ST7: variants seen among roughly 807,000 people sequenced by gnomAD.
The protein encoded by ST7 is suppressor of tumorigenicity 7 protein.
Under a neutral mutation model 78.7 loss-of-function variants are expected in ST7, and 28 were observed. That is an observed-to-expected ratio of 0.36 (90% CI 0.26 to 0.49). ST7 has a LOEUF of 0.49. ST7 is among the 20% of genes least tolerant of loss of function. The pLI, the probability that ST7 is intolerant of heterozygous loss-of-function variation, is 0.99. For synonymous variants in ST7, 247 were observed against 249.6 expected, an observed-to-expected ratio of 0.99 and a Z score of 0.10; for missense variants, 418 against 696.0, an observed-to-expected ratio of 0.60 and a Z score of 4.49.
intron 9 of ST7, among the ~76,000 whole-genome samples, chr7:117,143,728 A>AG (rs1443241464): frequency 2.0e-5 from 3 of 152,140 alleles, no homozygotes; most frequent in African/African-American, 7.2e-5. Flanking sequence ...CTCACCTCAC[A>AG]GGGTAGATGT....
At chr7:117,029,300 GT>G (rs1796355505) in intron 1 of ST7, among the ~76,000 whole-genome samples, 1 of 152,054 alleles carries the variant, frequency 6.6e-6, no homozygotes, top group Admixed American at 6.6e-5. Context: ...TTGTGGGTGT[GT>G]AATGGTATAT....
intron 9 of ST7, chr7:117,146,209 A>G (rs772708951): frequency 3.3e-5 from 5 of 152,196 alleles, no homozygotes; most frequent in Non-Finnish European, 7.3e-5. Context: ...TTGTGATATC[A>G]CCTACACTTC....
intron 1 of ST7, among the ~76,000 whole-genome samples, chr7:117,068,218 CAT>C (rs1798744264): frequency 1.3e-5 from 2 of 151,998 alleles, no homozygotes; most frequent in African/African-American, 4.8e-5. Context: ...AATAATGAAT[CAT>C]ATATTTTTCT....
At chr7:116,972,139 G>T in intron 1 of ST7, 1 of 553,718 alleles carries the variant, frequency 1.8e-6, no homozygotes, top group African/African-American at 1.9e-5. Context: ...AGAGGGAGGA[G>T]CAGCAGCAGG....
rs201527924 is a variant in ST7 at position 117,107,936 on chromosome 7, A to AT, written c.234+8099dup. Among the ~76,000 whole-genome samples the AT allele has an allele frequency of 1.9e-3, 292 of 151,742 alleles. 3 individuals are homozygous for AT. Among genetic ancestry groups the AT allele is most frequent in the African/African-American group, 5.7e-3 (237 of 41,382 alleles). The stretch of plus-strand genomic sequence containing the variant: ...GGCCCTTAGCCCACTTTTTGAAGGG[A>AT]TTTTTTTCTTTCTTGCTGATTTATT... On this transcript the variant is annotated intron_variant, in intron 2 of 15. Transcript: ENST00000323984.
chr7:117,038,843 TATG>T (rs149543497), intron 1 of ST7, among the ~76,000 whole-genome samples: 1 of 152,314 alleles, frequency 6.6e-6, no homozygotes, highest in East Asian at 1.9e-4. Context: ...TGAAAGATTT[TATG>T]ATGATTAATA....
intron 13 of ST7, among the ~76,000 whole-genome samples, chr7:117,211,989 CT>C (rs1348034569): frequency 3.9e-5 from 6 of 152,118 alleles, no homozygotes; most frequent in Non-Finnish European, 8.8e-5. Context: ...GCAGTTGATC[CT>C]TACAGATAGG....
chr7:117,181,257 A>G (rs1410450406), intron 10 of ST7, among the ~76,000 whole-genome samples: 1 of 152,202 alleles, frequency 6.6e-6, no homozygotes, highest in Non-Finnish European at 1.5e-5. Flanking sequence ...GTGGCTAAAC[A>G]CCAGAGGAAG....
At chr7:117,142,850 T>C (rs1400387682) in intron 9 of ST7, among the ~76,000 whole-genome samples, 1 of 152,140 alleles carries the variant, frequency 6.6e-6, no homozygotes, top group Non-Finnish European at 1.5e-5. Context: ...GATCTCATGA[T>C]CCACCTGCCT....
chr7:117,087,451 G>A (rs1262524202), intron 1 of ST7, among the ~76,000 whole-genome samples: 1 of 152,090 alleles, frequency 6.6e-6, no homozygotes, highest in Non-Finnish European at 1.5e-5. Context: ...CTCAGAGAAA[G>A]GAGACACATT....
chr7:116,964,753 T>C (rs1371177238), intron 1 of ST7, among the ~76,000 whole-genome samples: 1 of 152,216 alleles, frequency 6.6e-6, no homozygotes, highest in African/African-American at 2.4e-5. Context: ...AGATGAAGCA[T>C]GAGAAGCTAA....
intron 1 of ST7, among the ~76,000 whole-genome samples, chr7:116,970,739 G>A (rs924858155): frequency 2.0e-5 from 3 of 152,148 alleles, no homozygotes; most frequent in African/African-American, 4.8e-5. Context: ...ATTGTTGTAG[G>A]TTGTGAGTCA....
chr7:117,159,794 G>A (rs1806984421), intron 9 of ST7, among the ~76,000 whole-genome samples: 1 of 152,194 alleles, frequency 6.6e-6, no homozygotes, highest in Non-Finnish European at 1.5e-5. Context: ...TTGGGAAGCT[G>A]AGGCAGGAGA....
At chr7:117,100,192 C>T (rs779220715) in intron 2 of ST7, among the ~76,000 whole-genome samples, 44 of 152,080 alleles carry the variant, frequency 2.9e-4, no homozygotes, top group Non-Finnish European at 5.4e-4. Context: ...CAATATGGGG[C>T]TGGGCGCAGT....
At chr7:116,961,555 CGTGTGTGTGTGT>C (rs35640208) in intron 1 of ST7, among the ~76,000 whole-genome samples, 13 of 138,428 alleles carry the variant, frequency 9.4e-5, no homozygotes, top group Admixed American at 2.2e-4. Flanking sequence ...TGTATTCCTA[CGTGTGTGTGTGT>C]GTGTGTGTGT....
chr7:117,150,677 C>T (rs1303891701), intron 9 of ST7, among the ~76,000 whole-genome samples: 1 of 152,158 alleles, frequency 6.6e-6, no homozygotes, highest in Non-Finnish European at 1.5e-5. Flanking sequence ...CTCACTTGGC[C>T]ATCAATTCTA....
intron 1 of ST7, among the ~76,000 whole-genome samples, chr7:117,071,911 G>C (rs932272123): frequency 6.6e-6 from 1 of 152,192 alleles, no homozygotes; most frequent in Non-Finnish European, 1.5e-5. Flanking sequence ...TATGGCTGTG[G>C]ATATTATTGG....
At chr7:117,226,408 T>C (rs992639017) in intron 15 of ST7, among the ~76,000 whole-genome samples, 5 of 152,316 alleles carry the variant, frequency 3.3e-5, no homozygotes, top group African/African-American at 9.6e-5. Context: ...TCGAGATAAA[T>C]AGGCTGTTCC....
intron 10 of ST7, among the ~76,000 whole-genome samples, chr7:117,183,438 T>C (rs1204850898): frequency 2.0e-5 from 3 of 150,786 alleles, no homozygotes. Flanking sequence ...AAAAAAAAAT[T>C]ATATATATAT....
Sources: gnomAD v4.1 joint callset for allele counts (sites outside exome capture counted in the v4.1 genomes callset) on GRCh38, gnomAD v4.1.1 for gene constraint, MANE v1.5 for transcripts, NCBI Gene and HGNC (gene_info 2026-07-23, HGNC 2026-07-21) for gene names.